Variants in WDR72 observed in about 807,000 individuals in gnomAD.
WDR72 encodes the protein WD repeat-containing protein 72.
WDR72 carries 120 observed loss-of-function variants against 124.2 expected under a neutral mutation model. The ratio of observed to expected loss-of-function variants is 0.97; its 90% CI spans 0.83 to 1.12. The LOEUF is 1.12. WDR72 is among the 50% of genes most tolerant of loss of function. The probability of loss-of-function intolerance (pLI) is 0.00; values close to 1 mark genes in which losing one functional copy is unlikely to be tolerated. For missense variants in WDR72, 1,387 were observed against 1,278.8 expected, an observed-to-expected ratio of 1.08 and a Z score of -1.29; for synonymous variants, 452 against 441.7, an observed-to-expected ratio of 1.02 and a Z score of -0.29.
chr15:53,686,869 C>G (rs545467914), intron 13 of WDR72, among the ~76,000 whole-genome samples: 1 of 151,724 alleles, frequency 6.6e-6, no homozygotes, highest in Non-Finnish European at 1.5e-5. Flanking sequence ...GTCTCTCAGA[C>G]CACAGTGCAA....
chr15:53,603,460 C>T (rs1486121268), intron 17 of WDR72, among the ~76,000 whole-genome samples: 1 of 152,138 alleles, frequency 6.6e-6, no homozygotes, highest in African/African-American at 2.4e-5. Flanking sequence ...TACTCCTATT[C>T]AACACAGTAT....
At chr15:53,590,954 T>C (rs78789779) in intron 18 of WDR72, among the ~76,000 whole-genome samples, 10,344 of 151,276 alleles carry the variant, frequency 0.068, 551 homozygotes, top group African/African-American at 0.15. Context: ...AAATTAAAGA[T>C]GCATGGGTTT....
intron 11 of WDR72, among the ~76,000 whole-genome samples, 189 bp downstream of exon 11, chr15:53,704,799 T>G (rs1292262550): frequency 1.6e-5 from 2 of 123,634 alleles, no homozygotes; most frequent in Non-Finnish European, 3.4e-5. Flanking sequence ...CCCAAAGTGC[T>G]AGGATTACAG....
At position 53,723,898 on chromosome 15, in the gene WDR72, G is replaced by A. The variant is rs2017946529; in HGVS notation, c.154-990C>T. The stretch of plus-strand genomic sequence containing the variant: ...TCTTTTTCCAAGTTTTCAATCCACA[G>A]TTGGTTGAATCCATGGATGCAGAAG... On this transcript the variant is annotated intron_variant, in intron 2 of 19. Coordinates refer to ENST00000360509, the MANE Select transcript of WDR72 (RefSeq NM_182758.4). 2.0e-5 allele frequency among the ~76,000 whole-genome samples: 3 copies of A among 152,154 alleles called. No individual in the cohort carries two copies. The South Asian group carries it at 6.2e-4, about 32-fold the overall frequency.
At chr15:53,747,936 T>C (rs1315203229) in intron 1 of WDR72, among the ~76,000 whole-genome samples, 2 of 152,116 alleles carry the variant, frequency 1.3e-5, no homozygotes, top group Non-Finnish European at 2.9e-5. Context: ...GAAGTGGATA[T>C]GTATTTAGCT....
At position 53,722,887 on chromosome 15, in the gene WDR72, A is replaced by C; in HGVS notation, c.175T>G (p.Phe59Val). ...ELKISAKELL[F>V]GHSASVTCLA... ...CATGTTACCGAAGCTGAATGACCAA[A>C]TAGGAGTTCTTTCGCTGAAATCTGA... Residue 59 changes from phenylalanine (F) to valine (V), a missense_variant, in exon 3 of 20, where the codon TTT becomes GTT. Transcript: ENST00000360509. 1 of 1,614,114 alleles carries C rather than the reference A, an allele frequency of 6.2e-7. No individual in the cohort carries two copies. Among genetic ancestry groups the C allele is most frequent in the Non-Finnish European group, 8.5e-7 (1 of 1,179,990 alleles).
chr15:53,645,868 T>C (rs559789809), intron 14 of WDR72, among the ~76,000 whole-genome samples: 89 of 152,304 alleles, frequency 5.8e-4, no homozygotes, highest in Admixed American at 1.8e-3. Flanking sequence ...TATATATTTT[T>C]TGCTAGTCTC....
chr15:53,709,350 A>G (rs1472621330), intron 9 of WDR72, among the ~76,000 whole-genome samples: 1 of 152,232 alleles, frequency 6.6e-6, no homozygotes, highest in African/African-American at 2.4e-5. Flanking sequence ...AGAAACATCT[A>G]TGGTTGTTTA....
chr15:53,686,696 C>A lies in WDR72; in HGVS notation c.1765+13054G>T, dbSNP rs547011524. Among the ~76,000 whole-genome samples, 31 of 149,866 alleles carry A rather than the reference C, an allele frequency of 2.1e-4. No individual in the cohort carries two copies. The East Asian group carries it at 6.2e-3, about 30-fold the overall frequency. On this transcript the variant is annotated intron_variant, in intron 13 of 19. Transcript: ENST00000360509. ...GGATACCCAGGAATTGAACTCAGCTCTGCACCAAGTGGACCTAATAGACAT... is the reference window on the plus strand; with the variant it reads ...GGATACCCAGGAATTGAACTCAGCTATGCACCAAGTGGACCTAATAGACAT...
chr15:53,622,362 A>G (rs1037575643), intron 14 of WDR72, among the ~76,000 whole-genome samples: 2 of 152,178 alleles, frequency 1.3e-5, no homozygotes, highest in African/African-American at 4.8e-5. Flanking sequence ...AATAGCAAAG[A>G]TATGGAATCA....
chr15:53,577,135 T>C (rs1434692925), intron 18 of WDR72, among the ~76,000 whole-genome samples: 1 of 152,198 alleles, frequency 6.6e-6, no homozygotes, highest in East Asian at 1.9e-4. Context: ...CCTGTTCGTA[T>C]GAAAGAAACT....
At chr15:53,525,288 T>C (rs1469893354) in intron 18 of WDR72, among the ~76,000 whole-genome samples, 1 of 152,088 alleles carries the variant, frequency 6.6e-6, no homozygotes, top group Non-Finnish European at 1.5e-5. Context: ...TATATCTTTC[T>C]TGATAATTTT....
intron 15 of WDR72, 114 bp downstream of exon 15, chr15:53,615,312 C>A: frequency 1.2e-6 from 1 of 814,788 alleles, no homozygotes; most frequent in Non-Finnish European, 1.9e-6. Context: ...TTGTTGCATA[C>A]TTACCCCCCA....
intron 18 of WDR72, among the ~76,000 whole-genome samples, chr15:53,530,824 T>G (rs1892417135): frequency 6.6e-6 from 1 of 152,060 alleles, no homozygotes; most frequent in Admixed American, 6.6e-5. Context: ...CATTCCCCTC[T>G]TGAATCAGTA....
intron 1 of WDR72, among the ~76,000 whole-genome samples, chr15:53,751,531 T>C (rs919616525): frequency 6.6e-6 from 1 of 152,212 alleles, no homozygotes; most frequent in Non-Finnish European, 1.5e-5. Flanking sequence ...TGATATGCAC[T>C]GGGAATCCAA....
At chr15:53,552,837 C>T (rs1893791253) in intron 18 of WDR72, among the ~76,000 whole-genome samples, 1 of 152,074 alleles carries the variant, frequency 6.6e-6, no homozygotes, top group Admixed American at 6.6e-5. Context: ...TTGATTTCAT[C>T]CCCTTTGGCT....
At chr15:53,637,550 A>G (rs1446915268) in intron 14 of WDR72, among the ~76,000 whole-genome samples, 1 of 152,200 alleles carries the variant, frequency 6.6e-6, no homozygotes, top group African/African-American at 2.4e-5. Flanking sequence ...CCAGGCTTCC[A>G]GTCAAGTTCT....
In WDR72 at chr15:53,523,318, T is replaced by C. The variant is rs1300408928; in HGVS notation, c.3153A>G (p.Pro1051=). ...TGCTGTCATGCTTGACCGGGCTGAC[T>C]GGAGCTATTAAAAGAGAGAGAGAGA... is the stretch of plus-strand genomic sequence containing the variant. The part of the protein sequence containing the change: ...CVRNTLPLQT[P]VSPVKHDSNS... Residue 1051 remains proline, a synonymous_variant, in exon 19 of 20, where the codon CCA becomes CCG. Transcript: ENST00000360509. 4 of 1,610,688 alleles carry C rather than the reference T, an allele frequency of 2.5e-6. No individual in the cohort carries two copies. In the African/African-American group the frequency reaches 5.4e-5, roughly 22 times the overall value.
intron 18 of WDR72, among the ~76,000 whole-genome samples, chr15:53,538,507 G>A (rs1892881682): frequency 6.6e-6 from 1 of 152,138 alleles, no homozygotes; most frequent in South Asian, 2.1e-4. Flanking sequence ...TGGTTTACTT[G>A]TTATTAACAT....
Sources: allele counts gnomAD v4.1 joint callset (sites outside exome capture counted in the v4.1 genomes callset), GRCh38; gene constraint gnomAD v4.1.1; transcripts MANE v1.5; gene names NCBI Gene and HGNC (gene_info 2026-07-23, HGNC 2026-07-21).